GNS: variants seen among roughly 807,000 people sequenced by gnomAD.
GNS encodes glucosamine (N-acetyl)-6-sulfatase.
In GNS, 40 loss-of-function variants were observed where a neutral mutation model predicts 69.7. The observed-to-expected ratio is 0.57, with a 90% CI of 0.45 to 0.75. The LOEUF is 0.75. GNS is among the 30% of genes least tolerant of loss of function. The pLI is 0.00. For missense variants in GNS, 565 were observed against 685.5 expected (o/e 0.82, Z 1.96); for synonymous variants, 243 against 251.6 (o/e 0.97, Z 0.32).
intron 11 of GNS, among the ~76,000 whole-genome samples, 193 bp from the exon 12 acceptor site, chr12:64,721,898 A>T (rs1304480478): frequency 2.0e-5 from 3 of 152,222 alleles, no homozygotes; most frequent in Non-Finnish European, 4.4e-5. Flanking sequence ...TGATCAAGGT[A>T]TATGGGTTGT....
intron 10 of GNS, among the ~76,000 whole-genome samples, chr12:64,725,920 A>C (rs937909937): frequency 3.5e-5 from 5 of 141,092 alleles, no homozygotes; most frequent in African/African-American, 5.3e-5. Flanking sequence ...GGCGTGAACC[A>C]GGGAGGCGGA....
chr12:64,730,513 G>A (rs1313071588), intron 9 of GNS, among the ~76,000 whole-genome samples: 1 of 151,408 alleles, frequency 6.6e-6, no homozygotes, highest in Non-Finnish European at 1.5e-5. Context: ...GCTCTTAGAG[G>A]GCAGAATGAT....
chr12:64,744,971 G>A (rs562574652), intron 4 of GNS, 64 bp from the exon 5 acceptor site: 16 of 780,798 alleles, frequency 2.0e-5, no homozygotes, highest in Middle Eastern at 2.2e-4. Context: ...GTCTGAATCC[G>A]TGCTGGGCTA....
chr12:64,744,861 T>C lies in GNS; in HGVS notation c.572A>G (p.Lys191Arg). ...YYNYTLSING[K>R]ARKHGENYSV... ...ATAGTTTTCACCATGCTTCCGTGCCTTCCCATTGATAGACAGGGTGTAATT... is the reference window on the plus strand; with the variant it reads ...ATAGTTTTCACCATGCTTCCGTGCCCTCCCATTGATAGACAGGGTGTAATT... The change falls in exon 5 of 14, where the codon AAG becomes AGG. Residue 191 changes from lysine (K) to arginine (R), a missense_variant. Around this residue, in one of 2 missense-constraint regions of GNS, gnomAD observed 384 missense variants for 511.0 expected, o/e 0.75. Coordinates refer to ENST00000258145, the MANE Select transcript of GNS (RefSeq NM_002076.4). 1.3e-6 allele frequency: 2 copies of C among 1,567,036 alleles called. No individual in the cohort carries two copies. Among genetic ancestry groups the C allele is most frequent in the Non-Finnish European group, 8.8e-7 (1 of 1,137,016 alleles).
chr12:64,737,048 G>A lies in GNS; in HGVS notation c.1054C>T (p.Leu352=). 1 of 1,605,742 alleles carries A rather than the reference G, an allele frequency of 6.2e-7. No individual in the cohort carries two copies. Among genetic ancestry groups the A allele is most frequent in the Non-Finnish European group, 8.5e-7 (1 of 1,172,302 alleles). Residue 352 remains leucine, a synonymous_variant, in exon 9 of 14, where the codon CTG becomes TTG. Coordinates refer to ENST00000258145, the MANE Select transcript of GNS (RefSeq NM_002076.4). ...QLYEFDIKVP[L]LVRGPGIKPN... is the part of the protein sequence containing the mutation. ...TTGATCCCAGGTCCTCGAACCAACA[G>A]TGGAACTTTGATATCAAACTCATAC...
At chr12:64,738,748 G>C (rs1012000703) in intron 8 of GNS, among the ~76,000 whole-genome samples, 4 of 152,078 alleles carry the variant, frequency 2.6e-5, no homozygotes, top group African/African-American at 9.7e-5. Flanking sequence ...GGGAGGCAGA[G>C]ATTGCTGTGA....
In GNS at chr12:64,721,661, G is replaced by A. The variant is rs749445364; in HGVS notation, c.1353C>T (p.Thr451=). ...DCVCEDAYNN[T]YACVRTMSAL... is the part of the protein sequence containing the mutation. Reference sequence around the variant, plus strand: ...CTGACATTGTCCTCACACAGGCATAGGTATTGTTATAAGCATCTTCACATA... The same window carrying A: ...CTGACATTGTCCTCACACAGGCATAAGTATTGTTATAAGCATCTTCACATA... The change falls in exon 12 of 14, where the codon ACC becomes ACT. Residue 451 remains threonine (T), a synonymous_variant. Coordinates refer to ENST00000258145, the MANE Select transcript of GNS (RefSeq NM_002076.4). 10 of 1,598,464 alleles carry A rather than the reference G, an allele frequency of 6.3e-6. No individual in the cohort carries two copies. In the South Asian group the frequency reaches 9.9e-5, roughly 16 times the overall value.
intron 9 of GNS, 137 bp downstream of exon 9, chr12:64,736,865 ATT>A: frequency 3.0e-6 from 2 of 662,150 alleles, no homozygotes; most frequent in Non-Finnish European, 5.5e-6. Flanking sequence ...AAAAGCAATC[ATT>A]GTTTCCACTT....
rs1869248921 is a variant in GNS at position 64,727,639 on chromosome 12, G to C, written c.1200+1317C>G. Among the ~76,000 whole-genome samples, 4 of 152,122 alleles carry C rather than the reference G, an allele frequency of 2.6e-5. No individual in the cohort carries two copies. The South Asian group carries it at 8.3e-4, about 32-fold the overall frequency. On this transcript the variant is annotated intron_variant, in intron 10 of 13. Coordinates refer to ENST00000258145, the MANE Select transcript of GNS (RefSeq NM_002076.4). The stretch of plus-strand genomic sequence containing the variant: ...TGCTCAGTGAAAAAACCAGTTACAA[G>C]GGGCCACATATTATGTAATTTCATT...
At position 64,727,829 on chromosome 12, in the gene GNS, G is replaced by C. The variant is rs75707511; in HGVS notation, c.1200+1127C>G. Reference sequence around the variant, plus strand: ...CCTATTAGAGTGACTAATGTGCCTGGGAGTTTAGGGTGATGAAAATGCTCT... The same window carrying C: ...CCTATTAGAGTGACTAATGTGCCTGCGAGTTTAGGGTGATGAAAATGCTCT... On this transcript the variant is annotated intron_variant, in intron 10 of 13. Transcript: ENST00000258145. Among the ~76,000 whole-genome samples the C allele has an allele frequency of 8.7e-3, 1,327 of 152,130 alleles. 19 individuals are homozygous for C. Among genetic ancestry groups the C allele is most frequent in the African/African-American group, 0.03 (1,260 of 41,476 alleles).
At chr12:64,754,696 C>T (rs1005607051) in intron 1 of GNS, among the ~76,000 whole-genome samples, 8 of 152,048 alleles carry the variant, frequency 5.3e-5, no homozygotes, top group African/African-American at 1.9e-4. Flanking sequence ...TGAGACCAGT[C>T]TGGGCAACAC....
At position 64,732,153 on chromosome 12, in the gene GNS, A is replaced by ATTTTTTTTTTTTTTTTTTTT. The variant is rs1210247666; in HGVS notation, c.1099-3097_1099-3096insAAAAAAAAAAAAAAAAAAAA. The stretch of plus-strand genomic sequence containing the variant: ...AGGCACCTGCCACCACACCTGGCTA[A>ATTTTTTTTTTTTTTTTTTTT]TTTTTTTTTTTTGTTGTTTTTTTTT... On this transcript the variant is annotated intron_variant, in intron 9 of 13. Coordinates refer to ENST00000258145, the MANE Select transcript of GNS (RefSeq NM_002076.4). 2.1e-4 allele frequency among the ~76,000 whole-genome samples: 19 copies of ATTTTTTTTTTTTTTTTTTTT among 88,752 alleles called. 5 individuals are homozygous for ATTTTTTTTTTTTTTTTTTTT. The highest frequency in any genetic ancestry group is 2.1e-4 in the Non-Finnish European group (10 of 48,552). The allele number at this position is 88,752 out of a possible 152,430, so 58.2% of individuals were successfully genotyped here.
At chr12:64,748,250 G>T (rs944890229) in intron 2 of GNS, among the ~76,000 whole-genome samples, 1 of 151,756 alleles carries the variant, frequency 6.6e-6, no homozygotes, top group Non-Finnish European at 1.5e-5. Flanking sequence ...CACCCAGACT[G>T]GAGTGCACTG....
At position 64,720,075 on chromosome 12, in the gene GNS, C is replaced by T; in HGVS notation, c.1527G>A (p.Met509Ile). 1 of 1,611,692 alleles carries T rather than the reference C, an allele frequency of 6.2e-7. No individual in the cohort carries two copies. Among genetic ancestry groups the T allele is most frequent in the Middle Eastern group, 1.7e-4 (1 of 6,060 alleles). Residue 509 changes from methionine to isoleucine, a missense_variant, in exon 13 of 14, where the codon ATG (methionine) becomes ATA (isoleucine). By Grantham distance (10) the Met-to-Ile change is conservative (BLOSUM62 1). Coordinates refer to ENST00000258145, the MANE Select transcript of GNS (RefSeq NM_002076.4). ...LLGKMNYRLM[M>I]LQSCSGPTCR... ...AGGTTGGCCCAGAACAGGACTGTAA[C>T]ATCATTAACCGATAGTTCATCTTTC... is the stretch of plus-strand genomic sequence containing the variant.
chr12:64,739,874 T>C (rs1869677799), intron 7 of GNS, among the ~76,000 whole-genome samples: 2 of 152,252 alleles, frequency 1.3e-5, no homozygotes, highest in South Asian at 4.1e-4. Flanking sequence ...CCATTCTCAG[T>C]ACTGTGTATT....
chr12:64,732,926 T>C (rs1024251070), intron 9 of GNS, among the ~76,000 whole-genome samples: 4 of 152,264 alleles, frequency 2.6e-5, no homozygotes, highest in Middle Eastern at 3.4e-3. Flanking sequence ...GATAAATCAC[T>C]TTCTCAGGTT....
In GNS at chr12:64,752,733, G is replaced by A; in HGVS notation, c.217C>T (p.Leu73Phe). The change falls in exon 2 of 14, where the codon CTC (leucine) becomes TTC (phenylalanine). Residue 73 changes from leucine to phenylalanine, a missense_variant. Leu to Phe is a conservative substitution (Grantham distance 22). Coordinates refer to ENST00000258145, the MANE Select transcript of GNS (RefSeq NM_002076.4). ...GMTPLKKTKA[L>F]IGEMGMTFSS... Reference sequence around the variant, plus strand: ...AAAGTCATCCCCATCTCTCCGATGAGAGCTTTGGTTTTCTTTAGCGGTGTC... The same window carrying A: ...AAAGTCATCCCCATCTCTCCGATGAAAGCTTTGGTTTTCTTTAGCGGTGTC... 1 of 1,539,270 alleles carries A rather than the reference G, an allele frequency of 6.5e-7. No homozygotes were observed.
At position 64,730,309 on chromosome 12, in the gene GNS, C is replaced by T. The variant is rs549588862; in HGVS notation, c.1099-1252G>A. ...CTTACTGACAGGAAGTAACAGTCTT[C>T]AAAACTGTTGAGAACATTTAGATCA... On this transcript the variant is annotated intron_variant, in intron 9 of 13. Transcript: ENST00000258145. Among the ~76,000 whole-genome samples the T allele has an allele frequency of 4.6e-5, 7 of 151,630 alleles. 1 individual carries two copies. The South Asian group carries it at 1.5e-3, about 32-fold the overall frequency.
At chr12:64,736,512 G>C (rs1357530262) in intron 9 of GNS, among the ~76,000 whole-genome samples, 3 of 152,328 alleles carry the variant, frequency 2.0e-5, no homozygotes, top group Non-Finnish European at 4.4e-5. Context: ...TTCACACACA[G>C]AAAAGCCTGA....
Sources: allele counts gnomAD v4.1 joint callset (sites outside exome capture counted in the v4.1 genomes callset), GRCh38; gene constraint gnomAD v4.1.1; regional missense constraint gnomAD v4.1.1; transcripts MANE v1.5; gene names NCBI Gene and HGNC (gene_info 2026-07-23, HGNC 2026-07-21).